Variants in YTHDC2 observed in about 807,000 individuals in gnomAD.
YTHDC2 encodes the protein YTH N6-methyladenosine RNA binding protein C2.
YTHDC2 carries 45 observed loss-of-function variants against 174.9 expected under a neutral mutation model. The ratio of observed to expected loss-of-function variants is 0.26; its 90% confidence interval spans 0.20 to 0.33. The LOEUF (loss-of-function observed/expected upper bound fraction) is 0.33, where lower values mean the gene tolerates loss of function less well. YTHDC2 is among the 10% of genes least tolerant of loss of function. The pLI is 1.00. For synonymous variants in YTHDC2, 657 were observed against 574.5 expected (o/e 1.14, Z -2.05); for missense variants, 1,650 against 1,723.7 (o/e 0.96, Z 0.76).
intron 24 of YTHDC2, 30 bp from the exon 25 acceptor site, chr5:113,581,387 A>G (rs754485227): frequency 1.3e-6 from 2 of 1,530,086 alleles, no homozygotes; most frequent in Non-Finnish European, 1.8e-6. Flanking sequence ...TGTGATATTC[A>G]TTTGCTTGTA....
At chr5:113,576,303 G>T (rs1396609312) in intron 23 of YTHDC2, among the ~76,000 whole-genome samples, 2 of 152,114 alleles carry the variant, frequency 1.3e-5, no homozygotes, top group East Asian at 1.9e-4. Context: ...GAAAGGAGTG[G>T]TTAGCTCTAT....
intron 10 of YTHDC2, among the ~76,000 whole-genome samples, chr5:113,545,728 A>T (rs865780057): frequency 0.024 from 1,170 of 49,252 alleles, 113 homozygotes; most frequent in African/African-American, 0.098. Context: ...ATTGATCTCC[A>T]TTTTTTTTTT....
chr5:113,559,140 T>C (rs1311220199), intron 17 of YTHDC2, among the ~76,000 whole-genome samples: 1 of 136,330 alleles, frequency 7.3e-6, no homozygotes, highest in Admixed American at 7.6e-5. Flanking sequence ...TATAGAAATC[T>C]CTTAGAGGAG....
At chr5:113,524,876 A>AT (rs757141313) in intron 2 of YTHDC2, 105 bp from the exon 3 acceptor site, 3 of 862,864 alleles carry the variant, frequency 3.5e-6, no homozygotes, top group Non-Finnish European at 4.9e-6. Context: ...AAGCATTTTG[A>AT]TTTTTTTCAG....
intron 4 of YTHDC2, among the ~76,000 whole-genome samples, chr5:113,529,679 T>C (rs570713518): frequency 2.6e-5 from 4 of 152,130 alleles, no homozygotes; most frequent in Admixed American, 2.6e-4. Flanking sequence ...TTATTTTTAT[T>C]CTTTTTGGCT....
chr5:113,583,136 A>G (rs1465237981), intron 25 of YTHDC2: 2 of 152,192 alleles, frequency 1.3e-5, no homozygotes, highest in African/African-American at 4.8e-5. Context: ...TGTTTCTTGT[A>G]TGCTGATTCA....
Position 113,574,975 on chromosome 5 carries a change from G to A in YTHDC2, c.3245-4611G>A, listed in dbSNP as rs536627833. 8.6e-4 allele frequency among the ~76,000 whole-genome samples: 131 copies of A among 152,300 alleles called. 1 individual carries two copies. Among genetic ancestry groups the A allele is most frequent in the Middle Eastern group, 3.4e-3 (1 of 294 alleles). On this transcript the variant is annotated intron_variant, in intron 23 of 29. Coordinates refer to ENST00000161863, the MANE Select transcript of YTHDC2 (RefSeq NM_022828.5). ...TCACTCACTGCTTCCCTTGGCTGGG[G>A]GTGAGGGTTCCTTTTGCTCTGTGCT... is the stretch of plus-strand genomic sequence containing the variant.
At chr5:113,590,038 C>G (rs1778923759) in intron 26 of YTHDC2, among the ~76,000 whole-genome samples, 1 of 152,052 alleles carries the variant, frequency 6.6e-6, no homozygotes, top group South Asian at 2.1e-4. Context: ...TAGTAAAAAT[C>G]TACTTGTAAA....
chr5:113,572,992 G>T (rs1426559286), intron 23 of YTHDC2, among the ~76,000 whole-genome samples: 1 of 152,154 alleles, frequency 6.6e-6, no homozygotes, highest in Non-Finnish European at 1.5e-5. Context: ...ATTGTTATGT[G>T]TGAATTTGAT....
At chr5:113,514,215 G>A in intron 1 of YTHDC2, 133 bp downstream of exon 1, 2 of 1,196,992 alleles carry the variant, frequency 1.7e-6, no homozygotes, top group Non-Finnish European at 2.4e-6. Flanking sequence ...CGTCCGGGGC[G>A]GGCCTCAGCG....
Position 113,584,474 on chromosome 5 carries a change from G to A in YTHDC2, c.3820G>A (p.Gly1274Arg). The A allele has an allele frequency of 2.5e-6, 4 of 1,608,808 alleles. No homozygotes were observed. The highest frequency in any genetic ancestry group is 3.4e-6 in the Non-Finnish European group (4 of 1,177,246). Residue 1274 changes from glycine to arginine, a missense_variant, in exon 26 of 30, where the codon GGA becomes AGA. Physicochemically the swap from Gly to Arg is moderately radical, Grantham distance 125. Around this residue, in one of 5 missense-constraint regions of YTHDC2, gnomAD observed 913 missense variants for 940.4 expected, o/e 0.97. Coordinates refer to ENST00000161863, the MANE Select transcript of YTHDC2 (RefSeq NM_022828.5). ...TGCTAGTCCTTCTCCTCCATCCTCAGGAAAGGTAAGAGTATCTGAAAGAAA... is the reference window on the plus strand; with the variant it reads ...TGCTAGTCCTTCTCCTCCATCCTCAAGAAAGGTAAGAGTATCTGAAAGAAA... ...PCASPSPPSSGKGSKSPSPRP... is the reference protein window; with the variant it reads ...PCASPSPPSSRKGSKSPSPRP...
chr5:113,574,596 C>A (rs1228331182), intron 23 of YTHDC2, among the ~76,000 whole-genome samples: 6 of 152,188 alleles, frequency 3.9e-5, no homozygotes, highest in Non-Finnish European at 7.3e-5. Flanking sequence ...CACCCCTCCC[C>A]CTGGGAACTC....
chr5:113,528,930 T>C (rs1409467164), intron 4 of YTHDC2, among the ~76,000 whole-genome samples: 1 of 152,104 alleles, frequency 6.6e-6, no homozygotes, highest in Non-Finnish European at 1.5e-5. Flanking sequence ...GTAGTGGTGG[T>C]GGGGGGTTTG....
intron 23 of YTHDC2, among the ~76,000 whole-genome samples, chr5:113,578,482 A>T (rs901881105): frequency 8.5e-5 from 13 of 152,244 alleles, no homozygotes; most frequent in African/African-American, 2.9e-4. Context: ...TAGCCTATTG[A>T]TGTGGTATAT....
Position 113,513,701 on chromosome 5 carries a change from G to T in YTHDC2, c.-195G>T, listed in dbSNP as rs1189252296. ...TGACGTCATTACGCCCGCGCTCCTC[G>T]CCTGGCCGTGATATCAATGGCGCAG... On this transcript the variant is annotated 5_prime_UTR_variant, in exon 1 of 30. Transcript: ENST00000161863. The T allele has an allele frequency of 3.2e-6, 2 of 633,808 alleles. No individual in the cohort carries two copies. The highest frequency in any genetic ancestry group is 3.9e-5 in the African/African-American group (2 of 51,008). The allele number at this position is 633,808 out of a possible 1,614,324, so 39.3% of individuals were successfully genotyped here. A position where few individuals can be genotyped will look rare whatever the true frequency, so the allele number is the denominator to read the frequency against.
intron 24 of YTHDC2, chr5:113,579,954 A>G (rs1027917475): frequency 1.0e-6 from 1 of 979,980 alleles, no homozygotes; most frequent in African/African-American, 1.7e-5. Flanking sequence ...ATAGTAATTT[A>G]TAAAGAACAG....
chr5:113,553,409 A>C lies in YTHDC2; in HGVS notation c.1867+50A>C, dbSNP rs758335547. On this transcript the variant is annotated intron_variant, in intron 13 of 29. Coordinates refer to ENST00000161863, the MANE Select transcript of YTHDC2 (RefSeq NM_022828.5). Reference sequence around the variant, plus strand: ...CTGGAGCAAAATATATACTTTAAGAATTAATATTTTAAGTGTACAAATTTT... The same window carrying C: ...CTGGAGCAAAATATATACTTTAAGACTTAATATTTTAAGTGTACAAATTTT... 18 of 1,519,152 alleles carry C rather than the reference A, an allele frequency of 1.2e-5. No individual in the cohort carries two copies. The South Asian group carries it at 2.4e-4, about 20-fold the overall frequency. 94.1% of individuals were successfully genotyped at this position (1,519,152 alleles called of 1,614,324 possible).
At position 113,535,515 on chromosome 5, in the gene YTHDC2, G is replaced by C. The variant is rs905230122; in HGVS notation, c.946-127G>C. ...AATTCCTGTAATACAAAATTTTCAT[G>C]AATATTGATTGGCCTTGTCCACATT... On this transcript the variant is annotated intron_variant, in intron 6 of 29. Transcript: ENST00000161863. 7 of 834,108 alleles carry C rather than the reference G, an allele frequency of 8.4e-6. No homozygotes were observed. In the East Asian group the frequency reaches 1.2e-4, roughly 15 times the overall value. 51.7% of individuals were successfully genotyped at this position (834,108 alleles called of 1,614,324 possible).
intron 8 of YTHDC2, 50 bp from the exon 9 acceptor site, chr5:113,540,918 C>G: frequency 6.4e-7 from 1 of 1,551,662 alleles, no homozygotes; most frequent in Non-Finnish European, 8.8e-7. Flanking sequence ...GAATACATTT[C>G]AAAAAGGAAA....
Sources: allele counts gnomAD v4.1 joint callset (sites outside exome capture counted in the v4.1 genomes callset), GRCh38; gene constraint gnomAD v4.1.1; regional missense constraint gnomAD v4.1.1; transcripts MANE v1.5; gene names NCBI Gene and HGNC (gene_info 2026-07-23, HGNC 2026-07-21).